HUS1: variants seen among roughly 807,000 people sequenced by gnomAD.
HUS1 encodes checkpoint protein HUS1.
Under a neutral mutation model 32.6 loss-of-function variants are expected in HUS1, and 31 were observed. The ratio of observed to expected loss-of-function variants is 0.95; its 90% CI spans 0.72 to 1.28. The LOEUF is 1.28. HUS1 is among the 50% of genes most tolerant of loss of function. HUS1 has a pLI of 0.00. For missense variants in HUS1, 340 were observed against 337.7 expected, an observed-to-expected ratio of 1.01 and a Z score of -0.05; for synonymous variants, 123 against 116.6, an observed-to-expected ratio of 1.06 and a Z score of -0.36.
chr7:47,972,640 A>T (rs974619538), intron 5 of HUS1, among the ~76,000 whole-genome samples: 10 of 135,358 alleles, frequency 7.4e-5, no homozygotes, highest in African/African-American at 2.6e-4. Flanking sequence ...ACCTAGTAAA[A>T]ATTATCTCTA....
At chr7:47,976,516 G>A (rs1788707726) in intron 4 of HUS1, 1 of 610,794 alleles carries the variant, frequency 1.6e-6, no homozygotes, top group South Asian at 1.5e-5. Context: ...ATGTTACTGA[G>A]CGAGACATTT....
Position 47,965,346 on chromosome 7 carries a change from C to T in HUS1, c.*10G>A, listed in dbSNP as rs374884606. ...CAAAGTCTCTGCATGCCAACTCCAG[C>T]GACAGGGTGCTAGGACAGCGCAGGG... On this transcript the variant is annotated 3_prime_UTR_variant, in exon 8 of 8. Coordinates refer to ENST00000258774, the MANE Select transcript of HUS1 (RefSeq NM_004507.4). 29 of 1,600,268 alleles carry T rather than the reference C, an allele frequency of 1.8e-5. No individual in the cohort carries two copies. The highest frequency in any genetic ancestry group is 5.4e-5 in the African/African-American group (4 of 74,678).
At chr7:47,976,971 G>T in intron 3 of HUS1, 134 bp from the exon 4 acceptor site, 1 of 609,960 alleles carries the variant, frequency 1.6e-6, no homozygotes, top group Non-Finnish European at 2.9e-6. Context: ...TCACTCAAAA[G>T]CCATTCGACC....
intron 7 of HUS1, 82 bp from the exon 8 acceptor site, chr7:47,965,520 A>G: frequency 1.1e-6 from 1 of 950,710 alleles, no homozygotes. Context: ...CAGCCTTCCC[A>G]GCCTGCACCT....
At chr7:47,976,632 T>C (rs999774235) in intron 4 of HUS1, 98 bp downstream of exon 4, 1 of 769,982 alleles carries the variant, frequency 1.3e-6, no homozygotes, top group African/African-American at 1.7e-5. Flanking sequence ...AAGTATCCTT[T>C]AAAAATAAAA....
In HUS1 at chr7:47,964,799, AAG is replaced by A. The variant is rs765572047; in HGVS notation, c.*555_*556del. On this transcript the variant is annotated 3_prime_UTR_variant, in exon 8 of 8. Coordinates refer to ENST00000258774, the MANE Select transcript of HUS1 (RefSeq NM_004507.4). ...ACTCAGGTGGGCTTGAGTCCTCAGC[AAG>A]AGAGAGACTCCAAATGCTGCAGCTG... 2.0e-5 allele frequency: 3 copies of A among 152,916 alleles called. No homozygotes were observed. The highest frequency in any genetic ancestry group is 6.5e-5 in the Admixed American group (1 of 15,422). 9.5% of individuals were successfully genotyped at this position (152,916 alleles called of 1,614,324 possible). A position where few individuals can be genotyped will look rare whatever the true frequency, so the allele number is the denominator to read the frequency against.
At position 47,967,719 on chromosome 7, in the gene HUS1, G is replaced by A. The variant is rs867898245; in HGVS notation, c.760+87C>T. 3 of 893,922 alleles carry A rather than the reference G, an allele frequency of 3.4e-6. No individual in the cohort carries two copies. In the South Asian group the frequency reaches 7.6e-5, roughly 23 times the overall value. 55.4% of individuals were successfully genotyped at this position (893,922 alleles called of 1,614,324 possible). The stretch of plus-strand genomic sequence containing the variant: ...TTTTTTTTTTTTTTTGGATTTATGA[G>A]ACTATATGCAATCTGTTAGACTAGA... On this transcript the variant is annotated intron_variant, in intron 7 of 7. Coordinates refer to ENST00000258774, the MANE Select transcript of HUS1 (RefSeq NM_004507.4).
At chr7:47,974,056 T>C (rs1234691205) in intron 5 of HUS1, among the ~76,000 whole-genome samples, 1 of 152,208 alleles carries the variant, frequency 6.6e-6, no homozygotes, top group African/African-American at 2.4e-5. Context: ...AGGAAAAGCT[T>C]TGAGTTACCC....
In HUS1 at chr7:47,969,297, C is replaced by T. The variant is rs765013904; in HGVS notation, c.562G>A (p.Gly188Arg). 9 of 1,586,698 alleles carry T rather than the reference C, an allele frequency of 5.7e-6. No homozygotes were observed. The South Asian group carries it at 1.0e-4, about 18-fold the overall frequency. ...GTTTCTATTTTCAAATTCAATTCTC[C>T]ATCTAGGTTTGCTTCAATAACCTGC... is the stretch of plus-strand genomic sequence containing the variant. ...NHLVIEANLD[G>R]ELNLKIETEL... is the part of the protein sequence containing the mutation. Residue 188 changes from glycine to arginine, a missense_variant, in exon 6 of 8, where the codon GGA (glycine) becomes AGA (arginine). Physicochemically the swap from Gly to Arg is moderately radical, Grantham distance 125 (BLOSUM62 -2). Coordinates refer to ENST00000258774, the MANE Select transcript of HUS1 (RefSeq NM_004507.4).
chr7:47,977,872 T>C (rs1301477378), intron 3 of HUS1, among the ~76,000 whole-genome samples: 1 of 151,886 alleles, frequency 6.6e-6, no homozygotes, highest in Admixed American at 6.6e-5. Context: ...CCAGCCTGGG[T>C]GATAGAGAGA....
intron 1 of HUS1, 87 bp downstream of exon 1, chr7:47,979,381 C>T: frequency 5.2e-6 from 8 of 1,552,474 alleles, no homozygotes; most frequent in Non-Finnish European, 7.0e-6. Flanking sequence ...GCGCCCATCC[C>T]CGTTCTGATC....
chr7:47,978,239 C>T (rs1004357023), intron 3 of HUS1, 178 bp downstream of exon 3: 5 of 544,928 alleles, frequency 9.2e-6, no homozygotes, highest in Admixed American at 3.3e-5. Context: ...GATAACAACA[C>T]AATTTTAAAA....
rs2307250 is a variant in HUS1, at chr7:47,978,639, T to C, written c.181-46A>G. 498 of 1,612,658 alleles carry C rather than the reference T, an allele frequency of 3.1e-4. 6 individuals carry two copies. In the African/African-American group the frequency reaches 6.0e-3, roughly 19 times the overall value. On this transcript the variant is annotated intron_variant, in intron 2 of 7. Transcript: ENST00000258774. Reference sequence around the variant, plus strand: ...GATGAGGGAGGGTATATGTGATCTTTCCAGTGACAATCTGCAGAGTGTGCA... The same window carrying C: ...GATGAGGGAGGGTATATGTGATCTTCCCAGTGACAATCTGCAGAGTGTGCA...
In HUS1 at chr7:47,976,930, A is replaced by G. The variant is rs1395802215; in HGVS notation, c.358-93T>C. The G allele has an allele frequency of 3.9e-6, 3 of 765,746 alleles. No individual in the cohort carries two copies. In the African/African-American group the frequency reaches 5.3e-5, roughly 13 times the overall value. 47.4% of individuals were successfully genotyped at this position (765,746 alleles called of 1,614,324 possible). A position where few individuals can be genotyped will look rare whatever the true frequency, so the allele number is the denominator to read the frequency against. On this transcript the variant is annotated intron_variant, in intron 3 of 7. Transcript: ENST00000258774. Reference sequence around the variant, plus strand: ...AGACCCGGGACAAAAAAGTTGAAATACCAAATCTAAGTGGAATGCTGTCAG... The same window carrying G: ...AGACCCGGGACAAAAAAGTTGAAATGCCAAATCTAAGTGGAATGCTGTCAG...
intron 4 of HUS1, 40 bp from the exon 5 acceptor site, chr7:47,975,727 A>T: frequency 1.7e-6 from 2 of 1,177,130 alleles, no homozygotes; most frequent in Non-Finnish European, 2.5e-6. Context: ...TATTAAAAAT[A>T]TTAATATACT....
intron 5 of HUS1, among the ~76,000 whole-genome samples, 171 bp downstream of exon 5, chr7:47,975,442 T>C (rs1330436381): frequency 6.6e-6 from 1 of 151,940 alleles, no homozygotes; most frequent in Non-Finnish European, 1.5e-5. Context: ...TTGGAATAGG[T>C]TTCTAAATCC....
intron 5 of HUS1, among the ~76,000 whole-genome samples, chr7:47,969,641 G>C (rs552979226): frequency 6.6e-6 from 1 of 152,294 alleles, no homozygotes; most frequent in South Asian, 2.1e-4. Context: ...CAGGGCTCTA[G>C]GGAGGGCTGG....
intron 5 of HUS1, 75 bp downstream of exon 5, chr7:47,975,538 T>G (rs537065681): frequency 1.1e-6 from 1 of 927,916 alleles, no homozygotes; most frequent in South Asian, 1.3e-5. Flanking sequence ...CATGGACTGC[T>G]GCAGGGTGAG....
intron 3 of HUS1, among the ~76,000 whole-genome samples, chr7:47,977,867 C>A (rs1258208880): frequency 6.6e-6 from 1 of 152,084 alleles, no homozygotes; most frequent in East Asian, 1.9e-4. Flanking sequence ...GCACTCCAGC[C>A]TGGGTGATAG....
Sources: gnomAD v4.1 joint callset for allele counts (sites outside exome capture counted in the v4.1 genomes callset) on GRCh38, gnomAD v4.1.1 for gene constraint, MANE v1.5 for transcripts, NCBI Gene and HGNC (gene_info 2026-07-23, HGNC 2026-07-21) for gene names.